The following TRPC5 variants were observed in gnomAD, a reference collection of about 807,000 sequenced individuals.
TRPC5 encodes the protein transient receptor potential cation channel subfamily C member 5.
In TRPC5, 9 loss-of-function variants were observed where a neutral mutation model predicts 56.5. The ratio of observed to expected loss-of-function variants is 0.16; its 90% CI spans 0.10 to 0.28. TRPC5 has a LOEUF of 0.28. Among genes scored for constraint, TRPC5 ranks in the 10% least tolerant of loss-of-function variants. The pLI is 1.00. For missense variants in TRPC5, 469 were observed against 748.9 expected, an observed-to-expected ratio of 0.63 and a Z score of 4.36; for synonymous variants, 282 against 278.5, an observed-to-expected ratio of 1.01 and a Z score of -0.13.
intron 2 of TRPC5, among the ~76,000 whole-genome samples, chrX:111,918,795 G>A (rs189300098): frequency 8.5e-4 from 95 of 111,549 alleles, no homozygotes; most frequent in Middle Eastern, 4.7e-3. Flanking sequence ...TAGATATGAT[G>A]TCCACAGTGG....
intron 1 of TRPC5, among the ~76,000 whole-genome samples, chrX:112,036,095 A>T (rs1929733616): frequency 9.0e-6 from 1 of 111,001 alleles, no homozygotes. Context: ...GTGAAAGCTT[A>T]GAGTCTTCTT....
intron 7 of TRPC5, among the ~76,000 whole-genome samples, chrX:111,804,965 A>G (rs1236808911): frequency 8.9e-6 from 1 of 112,177 alleles, no homozygotes; most frequent in Non-Finnish European, 1.9e-5. Context: ...TTGCACTTTC[A>G]GAATGATATT....
At chrX:111,804,056 G>A (rs1921412112) in intron 7 of TRPC5, among the ~76,000 whole-genome samples, 1 of 112,059 alleles carries the variant, frequency 8.9e-6, no homozygotes. Flanking sequence ...TCCAGTTTCA[G>A]CTTTCTACAT....
chrX:111,908,160 A>C (rs113716219), intron 3 of TRPC5, among the ~76,000 whole-genome samples: 8,326 of 111,704 alleles, frequency 0.075, 741 homozygotes, highest in African/African-American at 0.25. Context: ...ATTTTTAAAA[A>C]ACTCTAATTC....
chrX:111,788,766 A>G (rs887847385), intron 7 of TRPC5, among the ~76,000 whole-genome samples: 1 of 111,083 alleles, frequency 9.0e-6, no homozygotes, highest in Non-Finnish European at 1.9e-5. Flanking sequence ...CTTATACACC[A>G]ATAACAGACA....
At chrX:111,869,573 A>G (rs1054716161) in intron 3 of TRPC5, among the ~76,000 whole-genome samples, 1 of 112,360 alleles carries the variant, frequency 8.9e-6, no homozygotes, top group Admixed American at 9.5e-5. Context: ...AGGAGGTTGA[A>G]AACTGTTTTA....
rs762624712 is a variant in TRPC5 at position 112,049,432 on chromosome X, TACAC to T, written c.-22+32443_-22+32446del. ...TACTATATACACACACGCATATATA[TACAC>T]ACACACACACACACACACATATATA... On this transcript the variant is annotated intron_variant, in intron 1 of 10. Coordinates refer to ENST00000262839, the MANE Select transcript of TRPC5 (RefSeq NM_012471.3). Among the ~76,000 whole-genome samples the T allele has an allele frequency of 3.4e-3, 351 of 104,207 alleles. 2 individuals carry two copies. The highest frequency in any genetic ancestry group is 0.011 in the African/African-American group (326 of 28,587). 90.5% of individuals were successfully genotyped at this position (104,207 alleles called of 115,157 possible). A position where few individuals can be genotyped will look rare whatever the true frequency, so the allele number is the denominator to read the frequency against.
chrX:112,025,822 C>T (rs969677601), intron 1 of TRPC5, among the ~76,000 whole-genome samples: 9 of 111,140 alleles, frequency 8.1e-5, no homozygotes, highest in Non-Finnish European at 1.3e-4. Flanking sequence ...CACAGATATA[C>T]CCCCTTTCTC....
intron 2 of TRPC5, among the ~76,000 whole-genome samples, chrX:111,948,705 C>T (rs1426161379): frequency 9.5e-6 from 1 of 105,538 alleles, no homozygotes; most frequent in African/African-American, 3.5e-5. Context: ...GCACTCCAGC[C>T]TGGGTGACAG....
intron 1 of TRPC5, among the ~76,000 whole-genome samples, chrX:111,961,812 A>G (rs1435325221): frequency 8.9e-6 from 1 of 112,201 alleles, no homozygotes; most frequent in African/African-American, 3.2e-5. Context: ...ATTTAACAGC[A>G]GTGGCTTTCT....
chrX:111,864,993 GCTT>G (rs200542686), intron 3 of TRPC5, among the ~76,000 whole-genome samples: 1,151 of 111,050 alleles, frequency 0.01, 9 homozygotes, highest in African/African-American at 0.036. Flanking sequence ...GAATATAGCA[GCTT>G]CTTCTTTTTT....
chrX:111,899,580 G>A (rs916486860), intron 3 of TRPC5, among the ~76,000 whole-genome samples: 1 of 111,097 alleles, frequency 9.0e-6, no homozygotes, highest in African/African-American at 3.3e-5. Flanking sequence ...AAAAAACTGG[G>A]TGAATGGGAA....
chrX:111,864,007 G>T (rs1193641076), intron 3 of TRPC5, among the ~76,000 whole-genome samples: 1 of 110,691 alleles, frequency 9.0e-6, no homozygotes, highest in Non-Finnish European at 1.9e-5. Flanking sequence ...TTTTTTTTGA[G>T]ATGGAGTCTT....
chrX:112,057,845 C>T (rs1930375231), intron 1 of TRPC5, among the ~76,000 whole-genome samples: 1 of 111,828 alleles, frequency 8.9e-6, no homozygotes, highest in Non-Finnish European at 1.9e-5. Flanking sequence ...TCCCCACTAC[C>T]ACAGATTCAG....
Position 111,768,861 on chromosome X carries a change from C to T in TRPC5, c.*7452G>A, listed in dbSNP as rs1301223483. 9.0e-6 allele frequency among the ~76,000 whole-genome samples: 1 copy of T among 111,624 alleles called. No homozygotes were observed. Among genetic ancestry groups the T allele is most frequent in the African/African-American group, 3.3e-5 (1 of 30,743 alleles). On this transcript the variant is annotated 3_prime_UTR_variant, in exon 11 of 11. Coordinates refer to ENST00000262839, the MANE Select transcript of TRPC5 (RefSeq NM_012471.3). The stretch of plus-strand genomic sequence containing the variant: ...TGGCTGCTTCTCCTGCCCACGTACA[C>T]TAAGCACAGTTATCACTGATTTATT...
intron 7 of TRPC5, among the ~76,000 whole-genome samples, chrX:111,816,868 G>A (rs1484591540): frequency 9.0e-6 from 1 of 111,527 alleles, no homozygotes; most frequent in East Asian, 2.8e-4. Context: ...CCTTATGTAC[G>A]GTCAGAAAGA....
chrX:111,954,383 A>T (rs2148639600), intron 1 of TRPC5, among the ~76,000 whole-genome samples: 1 of 112,137 alleles, frequency 8.9e-6, no homozygotes, highest in South Asian at 3.8e-4. Context: ...CCTCACAGAA[A>T]GTTTCATAAA....
intron 1 of TRPC5, among the ~76,000 whole-genome samples, chrX:112,078,386 G>T (rs1930886680): frequency 9.0e-6 from 1 of 111,635 alleles, no homozygotes; most frequent in Non-Finnish European, 1.9e-5. Context: ...GATCTCCACA[G>T]AACTTCAGAA....
chrX:111,905,027 A>T (rs1221595602), intron 3 of TRPC5, among the ~76,000 whole-genome samples: 6 of 109,295 alleles, frequency 5.5e-5, no homozygotes, highest in Non-Finnish European at 1.1e-4. Flanking sequence ...TTCTAGTAGG[A>T]ATAATAATGA....
Sources: gnomAD v4.1 joint callset for allele counts (sites outside exome capture counted in the v4.1 genomes callset) on GRCh38, gnomAD v4.1.1 for gene constraint, MANE v1.5 for transcripts, NCBI Gene and HGNC (gene_info 2026-07-23, HGNC 2026-07-21) for gene names.